The following LDLRAD3 variants were observed in gnomAD, a reference collection of about 807,000 sequenced individuals.
LDLRAD3 encodes the protein low density lipoprotein receptor class A domain containing 3.
A neutral mutation model predicts 29.4 loss-of-function variants in LDLRAD3; 20 were observed. The ratio of observed to expected loss-of-function variants is 0.68; its 90% CI spans 0.48 to 0.99. LDLRAD3 has a LOEUF of 0.99. Among genes scored for constraint, LDLRAD3 ranks in the 50% least tolerant of loss-of-function variants. The pLI is 0.00. For missense variants in LDLRAD3, 420 were observed against 454.3 expected (o/e 0.92, Z 0.69); for synonymous variants, 157 against 192.7 (o/e 0.81, Z 1.53).
chr11:36,027,057 G>A (rs567290239), intron 1 of LDLRAD3, among the ~76,000 whole-genome samples: 2 of 152,176 alleles, frequency 1.3e-5, no homozygotes, highest in South Asian at 2.1e-4. Flanking sequence ...AGTTTGGGTC[G>A]GGACCCTTTT....
chr11:36,089,069 C>A (rs1486807695), intron 3 of LDLRAD3, among the ~76,000 whole-genome samples: 1 of 152,200 alleles, frequency 6.6e-6, no homozygotes, highest in African/African-American at 2.4e-5. Flanking sequence ...TTATCAGGCT[C>A]AGCCTTAGCA....
chr11:36,105,238 T>TGTGTGAGAGA (rs1343780985), intron 4 of LDLRAD3, among the ~76,000 whole-genome samples: 8 of 128,428 alleles, frequency 6.2e-5, no homozygotes, highest in African/African-American at 2.4e-4. Context: ...TGTGTGTGTG[T>TGTGTGAGAGA]GAGAGAGAGA....
chr11:36,128,261 T>C (rs138845039), intron 4 of LDLRAD3, among the ~76,000 whole-genome samples: 3 of 152,044 alleles, frequency 2.0e-5, no homozygotes, highest in Admixed American at 6.5e-5. Flanking sequence ...ACCCTCCCCA[T>C]AGGGGTCTGG....
intron 4 of LDLRAD3, among the ~76,000 whole-genome samples, chr11:36,188,684 T>G (rs1854892758): frequency 6.6e-6 from 1 of 152,174 alleles, no homozygotes; most frequent in African/African-American, 2.4e-5. Context: ...TGGAGCTTAC[T>G]CTCTGCTGAG....
chr11:36,084,804 G>T (rs536280736), intron 3 of LDLRAD3, among the ~76,000 whole-genome samples: 1 of 152,276 alleles, frequency 6.6e-6, no homozygotes, highest in East Asian at 1.9e-4. Context: ...CTACCAGTCA[G>T]TCTTCTCACA....
intron 4 of LDLRAD3, among the ~76,000 whole-genome samples, chr11:36,125,975 A>AG (rs1238212514): frequency 6.6e-6 from 1 of 152,182 alleles, no homozygotes; most frequent in African/African-American, 2.4e-5. Flanking sequence ...GGACCCCACC[A>AG]GGGACAAATG....
intron 4 of LDLRAD3, among the ~76,000 whole-genome samples, chr11:36,226,790 A>G (rs1855505189): frequency 6.6e-6 from 1 of 152,138 alleles, no homozygotes; most frequent in Middle Eastern, 3.2e-3. Flanking sequence ...ACAATATGTG[A>G]TCTTTTGTGT....
At chr11:36,179,146 G>C (rs1854720185) in intron 4 of LDLRAD3, among the ~76,000 whole-genome samples, 1 of 152,184 alleles carries the variant, frequency 6.6e-6, no homozygotes, top group South Asian at 2.1e-4. Context: ...ACACATTCTT[G>C]TTCTGCATCC....
chr11:36,123,525 A>G (rs1449095528), intron 4 of LDLRAD3, among the ~76,000 whole-genome samples: 2 of 152,256 alleles, frequency 1.3e-5, no homozygotes, highest in Non-Finnish European at 2.9e-5. Flanking sequence ...ATTGACCCCA[A>G]GGTAAGTCAC....
intron 3 of LDLRAD3, among the ~76,000 whole-genome samples, chr11:36,096,998 T>C (rs989970716): frequency 3.3e-5 from 5 of 152,350 alleles, no homozygotes; most frequent in Non-Finnish European, 7.4e-5. Context: ...ACACTGCAGG[T>C]AAATTGTACT....
intron 4 of LDLRAD3, among the ~76,000 whole-genome samples, chr11:36,195,365 C>T (rs139683469): frequency 0.011 from 1,676 of 152,282 alleles, 15 homozygotes; most frequent in Middle Eastern, 0.027. Context: ...GGACCAGAAG[C>T]ACACTGTGAA....
intron 3 of LDLRAD3, among the ~76,000 whole-genome samples, chr11:36,088,666 T>G (rs1853231514): frequency 6.6e-6 from 1 of 152,198 alleles, no homozygotes. Context: ...CTCAGAAAGC[T>G]GTGTCTTTTA....
intron 3 of LDLRAD3, 118 bp downstream of exon 3, chr11:36,081,896 T>G: frequency 2.5e-6 from 3 of 1,193,246 alleles, no homozygotes; most frequent in Admixed American, 2.3e-5. Context: ...CATTCTCTTC[T>G]GTTACCCAGA....
chr11:36,058,049 C>T (rs546981817), intron 2 of LDLRAD3, among the ~76,000 whole-genome samples: 106 of 152,278 alleles, frequency 7.0e-4, no homozygotes, highest in African/African-American at 2.5e-3. Context: ...TTTGATTTTC[C>T]TTTAATCATT....
At chr11:36,142,660 G>A (rs768775172) in intron 4 of LDLRAD3, among the ~76,000 whole-genome samples, 4 of 152,000 alleles carry the variant, frequency 2.6e-5, no homozygotes, top group South Asian at 2.1e-4. Context: ...TGGTGCACCC[G>A]GTGCAGCCGG....
intron 4 of LDLRAD3, among the ~76,000 whole-genome samples, chr11:36,185,970 A>T (rs769468344): frequency 6.6e-6 from 1 of 152,202 alleles, no homozygotes; most frequent in East Asian, 1.9e-4. Flanking sequence ...ACATTTTTAT[A>T]TATTAGAGGC....
At position 36,229,097 on chromosome 11, in the gene LDLRAD3, C is replaced by T. The variant is rs1855537896; in HGVS notation, c.801-63C>T. The T allele has an allele frequency of 1.5e-5, 17 of 1,160,134 alleles. No individual in the cohort carries two copies. The South Asian group carries it at 2.1e-4, about 14-fold the overall frequency. 71.9% of individuals were successfully genotyped at this position (1,160,134 alleles called of 1,614,324 possible). On this transcript the variant is annotated intron_variant, in intron 5 of 5. Coordinates refer to ENST00000315571, the MANE Select transcript of LDLRAD3 (RefSeq NM_174902.4). ...TGGGCTGAAGTTGGCTTATCTTGGC[C>T]CTAATGTGTTCTCTTCTCTTCCTGT...
rs917568676 is a variant in LDLRAD3 at position 36,227,345 on chromosome 11, A to G, written c.715A>G (p.Ile239Val). ...CNVTYNVNNG[I>V]QYVASQAEQN... Reference sequence around the variant, plus strand: ...CGTCACCTACAACGTCAATAATGGCATCCAGTATGTGGCCAGCCAGGCGGA... The same window carrying G: ...CGTCACCTACAACGTCAATAATGGCGTCCAGTATGTGGCCAGCCAGGCGGA... Residue 239 changes from isoleucine (I) to valine (V), a missense_variant, in exon 5 of 6, where the codon ATC (isoleucine) becomes GTC (valine). Ile to Val is a conservative substitution (Grantham distance 29, BLOSUM62 3). This residue lies in a region of LDLRAD3 where 56 missense variants were observed against 92.2 expected (regional missense o/e 0.61). Transcript: ENST00000315571. The G allele has an allele frequency of 6.2e-7, 1 of 1,614,122 alleles. No homozygotes were observed. Among genetic ancestry groups the G allele is most frequent in the Non-Finnish European group, 8.5e-7 (1 of 1,179,998 alleles).
intron 1 of LDLRAD3, chr11:35,997,809 G>A (rs61879123): frequency 0.013 from 1,990 of 155,584 alleles, 34 homozygotes; most frequent in Non-Finnish European, 0.016. Context: ...AGGAAAGTGA[G>A]GCTTAACTAG....
Sources: gnomAD v4.1 joint callset for allele counts (sites outside exome capture counted in the v4.1 genomes callset) on GRCh38, gnomAD v4.1.1 for gene constraint, gnomAD v4.1.1 regional missense constraint, MANE v1.5 for transcripts, NCBI Gene and HGNC (gene_info 2026-07-23, HGNC 2026-07-21) for gene names.